Variants in CALN1 observed in about 807,000 individuals in gnomAD.
CALN1 encodes the protein calcium-binding protein 8.
CALN1 carries 17 observed loss-of-function variants against 30.6 expected under a neutral mutation model. The ratio of observed to expected loss-of-function variants is 0.56; its 90% confidence interval spans 0.38 to 0.83. The LOEUF is 0.83. CALN1 is among the 40% of genes least tolerant of loss of function. The pLI, the probability that CALN1 is intolerant of heterozygous loss-of-function variation, is 0.00. For synonymous variants in CALN1, 156 were observed against 131.4 expected (o/e 1.19, Z -1.28); for missense variants, 291 against 354.9 (o/e 0.82, Z 1.45).
chr7:72,500,388 C>A, the CALN1 span, among the ~76,000 whole-genome samples: 1 of 142,976 alleles, frequency 7.0e-6, no homozygotes. Context: ...TCAAGCAATT[C>A]TCCTGCCTCA....
intron 6 of CALN1, among the ~76,000 whole-genome samples, chr7:71,807,815 C>T (rs1787707421): frequency 6.6e-6 from 1 of 152,100 alleles, no homozygotes; most frequent in South Asian, 2.1e-4. Flanking sequence ...ATGGCTCACG[C>T]CTGTAATCCC....
At chr7:72,042,349 G>A (rs1017722816) in intron 4 of CALN1, among the ~76,000 whole-genome samples, 2 of 152,158 alleles carry the variant, frequency 1.3e-5, no homozygotes, top group African/African-American at 4.8e-5. Flanking sequence ...ATCTTCTGAA[G>A]GATCCAGAGT....
intron 3 of CALN1, among the ~76,000 whole-genome samples, chr7:72,205,553 T>TATATACATATATATAC (rs1300600174): frequency 5.3e-5 from 3 of 56,388 alleles, no homozygotes; most frequent in African/African-American, 4.5e-4. Flanking sequence ...AAAAAAAAAA[T>TATATACATATATATAC]ATATATATAT....
At chr7:71,897,675 G>A (rs957193543) in intron 5 of CALN1, among the ~76,000 whole-genome samples, 3 of 151,678 alleles carry the variant, frequency 2.0e-5, no homozygotes, top group African/African-American at 7.3e-5. Context: ...GGGAAATGAG[G>A]AGAGGGGCTG....
chr7:72,407,624 T>C (rs551489210), intron 1 of CALN1, among the ~76,000 whole-genome samples: 1 of 152,320 alleles, frequency 6.6e-6, no homozygotes, highest in South Asian at 2.1e-4. Flanking sequence ...TCCCCAGCCA[T>C]GCTTCCTGTA....
intron 2 of CALN1, among the ~76,000 whole-genome samples, chr7:72,297,496 A>G (rs1798944912): frequency 6.6e-6 from 1 of 152,238 alleles, no homozygotes; most frequent in South Asian, 2.1e-4. Flanking sequence ...AATAAATTTT[A>G]AAACACTGGT....
At position 71,783,343 on chromosome 7, in the gene CALN1, G is replaced by T. The variant is rs543765805; in HGVS notation, c.*4432C>A. 6.6e-6 allele frequency: 1 copy of T among 152,152 alleles called. No individual in the cohort carries two copies. Among genetic ancestry groups the T allele is most frequent in the Non-Finnish European group, 1.5e-5 (1 of 68,044 alleles). 9.4% of individuals were successfully genotyped at this position (152,152 alleles called of 1,614,324 possible). A position where few individuals can be genotyped will look rare whatever the true frequency, so the allele number is the denominator to read the frequency against. ...CCATCACGGTGATATAGGAAAAGGG[G>T]CCCTTCCTAGCAGGGGAATTCCAGA... On this transcript the variant is annotated 3_prime_UTR_variant, in exon 7 of 7. Coordinates refer to ENST00000395275, the MANE Select transcript of CALN1 (RefSeq NM_031468.4).
chr7:71,915,493 G>C (rs909857632), intron 5 of CALN1, among the ~76,000 whole-genome samples: 1 of 152,078 alleles, frequency 6.6e-6, no homozygotes, highest in Non-Finnish European at 1.5e-5. Flanking sequence ...CAGCACTTTG[G>C]GAGGCTGAGG....
At chr7:71,975,325 G>T (rs758346143) in intron 5 of CALN1, among the ~76,000 whole-genome samples, 3 of 152,128 alleles carry the variant, frequency 2.0e-5, no homozygotes, top group African/African-American at 4.8e-5. Context: ...AATATTTGTA[G>T]TCTCTATCCC....
At chr7:72,283,586 A>C (rs532907914) in intron 2 of CALN1, among the ~76,000 whole-genome samples, 35 of 152,336 alleles carry the variant, frequency 2.3e-4, no homozygotes, top group African/African-American at 7.0e-4. Context: ...GCATCTGCTC[A>C]GTGAGTAACA....
intron 3 of CALN1, among the ~76,000 whole-genome samples, chr7:72,270,515 T>C (rs932771753): frequency 1.7e-4 from 26 of 152,348 alleles, no homozygotes; most frequent in Non-Finnish European, 2.1e-4. Context: ...CTCATGCCTG[T>C]AATCCCAGTA....
intron 5 of CALN1, among the ~76,000 whole-genome samples, chr7:71,864,122 TCTTA>T (rs1791455968): frequency 6.6e-6 from 1 of 152,324 alleles, no homozygotes; most frequent in African/African-American, 2.4e-5. Context: ...TCAAATAGCT[TCTTA>T]TTGCAAATAG....
At chr7:71,862,150 G>A (rs1791324839) in intron 5 of CALN1, among the ~76,000 whole-genome samples, 1 of 152,190 alleles carries the variant, frequency 6.6e-6, no homozygotes. Context: ...ATCTGCAAAG[G>A]TACCTGCTGT....
At chr7:72,066,582 C>T (rs1434035113) in intron 4 of CALN1, among the ~76,000 whole-genome samples, 1 of 152,008 alleles carries the variant, frequency 6.6e-6, no homozygotes, top group African/African-American at 2.4e-5. Flanking sequence ...ACCGTACCTG[C>T]TTCGATCTGC....
At chr7:71,861,649 T>A (rs1208504474) in intron 5 of CALN1, among the ~76,000 whole-genome samples, 2 of 151,534 alleles carry the variant, frequency 1.3e-5, no homozygotes, top group Non-Finnish European at 2.9e-5. Context: ...GGCATTGTGG[T>A]GTGCACCTAG....
At chr7:72,031,510 G>GT (rs1801434264) in intron 4 of CALN1, among the ~76,000 whole-genome samples, 3 of 152,108 alleles carry the variant, frequency 2.0e-5, no homozygotes, top group Admixed American at 2.0e-4. Context: ...AAGAATAACT[G>GT]TATCAAGGCC....
At chr7:71,983,766 A>G (rs1255931405) in intron 5 of CALN1, among the ~76,000 whole-genome samples, 1 of 152,166 alleles carries the variant, frequency 6.6e-6, no homozygotes, top group African/African-American at 2.4e-5. Flanking sequence ...TCCTGACCTC[A>G]GGTGATCCAC....
chr7:72,140,336 AAGGAAGGGAGGGAGGGAGGGAGGG>A (rs1161955567), intron 3 of CALN1, among the ~76,000 whole-genome samples: 4 of 76,738 alleles, frequency 5.2e-5, no homozygotes, highest in African/African-American at 1.6e-4. Context: ...AGGGAGAAGG[AAGGAAGGGAGGGAGGGAGGGAGGG>A]AGGGAGGGAG....
intron 3 of CALN1, among the ~76,000 whole-genome samples, chr7:72,124,186 A>T (rs897604408): frequency 1.6e-4 from 25 of 152,226 alleles, no homozygotes; most frequent in Non-Finnish European, 1.0e-4. Flanking sequence ...GTCCGTGTGG[A>T]TTTGGGGATT....
Sources: allele counts gnomAD v4.1 joint callset (sites outside exome capture counted in the v4.1 genomes callset), GRCh38; gene constraint gnomAD v4.1.1; transcripts MANE v1.5; gene names NCBI Gene and HGNC (gene_info 2026-07-23, HGNC 2026-07-21).